Variants in AVEN observed in about 807,000 individuals in gnomAD.
AVEN encodes the protein cell death regulator Aven.
In AVEN, 41 loss-of-function variants were observed where a neutral mutation model predicts 38.1. The ratio of observed to expected loss-of-function variants is 1.08; its 90% CI spans 0.84 to 1.40. The LOEUF (loss-of-function observed/expected upper bound fraction) is 1.40. Among genes scored for constraint, AVEN ranks in the 40% most tolerant of loss-of-function variants. The pLI, the probability that AVEN is intolerant of heterozygous loss-of-function variation, is 0.00. For missense variants in AVEN, 605 were observed against 438.8 expected (o/e 1.38, Z -3.38); for synonymous variants, 206 against 171.8 (o/e 1.20, Z -1.56).
chr15:34,001,302 G>C (rs960147347), intron 2 of AVEN, among the ~76,000 whole-genome samples: 4 of 152,160 alleles, frequency 2.6e-5, no homozygotes, highest in Non-Finnish European at 4.4e-5. Context: ...GATTACAGGC[G>C]TGAGCCACCA....
chr15:34,062,059 C>G (rs1364372610), intron 5 of AVEN, among the ~76,000 whole-genome samples: 1 of 151,818 alleles, frequency 6.6e-6, no homozygotes, highest in Non-Finnish European at 1.5e-5. Flanking sequence ...CATTTTTTTT[C>G]CTTTCCCTTC....
chr15:33,854,559 C>G (rs1481884269), downstream of AVEN: 2 of 1,082,978 alleles, frequency 1.8e-6, no homozygotes, highest in African/African-American at 3.2e-5. Context: ...TTATCAAAGA[C>G]CAAGAGCCTT....
downstream of AVEN, chr15:33,865,185 G>A (rs747588756): frequency 7.4e-6 from 12 of 1,613,786 alleles, no homozygotes; most frequent in South Asian, 4.4e-5. Context: ...CTTCCCAGCC[G>A]GTGACTGCTT....
intron 1 of AVEN, among the ~76,000 whole-genome samples, chr15:34,014,380 A>C (rs1423476647): frequency 8.4e-6 from 1 of 118,768 alleles, no homozygotes; most frequent in Non-Finnish European, 1.8e-5. Flanking sequence ...AAAAAAAAAA[A>C]AAAACAAAAA....
chr15:33,876,071 G>A (rs1156334257), intron 2 of AVEN, 76 bp from the exon 3 acceptor site: 2 of 1,381,784 alleles, frequency 1.4e-6, no homozygotes, highest in East Asian at 2.4e-5. Context: ...CCCTGCTAGA[G>A]CAAAAGTGCC....
chr15:33,876,038 G>A, intron 2 of AVEN, 43 bp from the exon 3 acceptor site: 1 of 1,555,076 alleles, frequency 6.4e-7, no homozygotes, highest in Non-Finnish European at 8.8e-7. Context: ...AAAGCCAACG[G>A]AAACTCTCAG....
intron 2 of AVEN, among the ~76,000 whole-genome samples, chr15:33,923,949 C>T (rs1893510201): frequency 7.4e-6 from 1 of 134,582 alleles, no homozygotes; most frequent in South Asian, 2.4e-4. Context: ...GGAAAACAAG[C>T]TCAGGGCTCC....
intron 2 of AVEN, among the ~76,000 whole-genome samples, chr15:34,000,892 A>G (rs1464508179): frequency 3.3e-5 from 5 of 152,222 alleles, no homozygotes; most frequent in Non-Finnish European, 5.9e-5. Context: ...GAAATCAGTA[A>G]GCAAAGAGAC....
intron 4 of AVEN, among the ~76,000 whole-genome samples, chr15:33,868,621 TA>T (rs1487686302): frequency 6.8e-6 from 1 of 147,944 alleles, no homozygotes; most frequent in Non-Finnish European, 1.5e-5. Context: ...TTAAGTGCAC[TA>T]ATATAAAGGT....
intron 1 of AVEN, among the ~76,000 whole-genome samples, chr15:34,025,149 G>A (rs1015841440): frequency 2.0e-5 from 3 of 152,128 alleles, no homozygotes; most frequent in African/African-American, 4.8e-5. Flanking sequence ...CACCCTGGGC[G>A]ATGGAGTGAG....
At chr15:34,054,894 C>T (rs746388850) in intron 5 of AVEN, among the ~76,000 whole-genome samples, 11 of 151,772 alleles carry the variant, frequency 7.2e-5, no homozygotes, top group Admixed American at 1.3e-4. Context: ...AATTTTAAAA[C>T]ATCTTAAAAG....
chr15:33,988,485 A>C (rs1896577134), intron 2 of AVEN, among the ~76,000 whole-genome samples: 2 of 152,212 alleles, frequency 1.3e-5, no homozygotes, highest in Admixed American at 6.5e-5. Context: ...GAAATAGAGA[A>C]TGTGCCCGTG....
At chr15:33,899,212 T>C (rs1405342202) in intron 2 of AVEN, among the ~76,000 whole-genome samples, 1 of 151,800 alleles carries the variant, frequency 6.6e-6, no homozygotes, top group African/African-American at 2.4e-5. Context: ...TCATACACTG[T>C]TGACAGGACA....
chr15:34,004,332 C>G (rs1897250165), intron 1 of AVEN, among the ~76,000 whole-genome samples: 1 of 151,966 alleles, frequency 6.6e-6, no homozygotes, highest in Non-Finnish European at 1.5e-5. Context: ...GTGAACAATT[C>G]TAGAAGATAA....
downstream of AVEN, among the ~76,000 whole-genome samples, chr15:33,857,087 T>C (rs1282817603): frequency 6.6e-6 from 1 of 152,206 alleles, no homozygotes; most frequent in Non-Finnish European, 1.5e-5. Flanking sequence ...ATTCAATACT[T>C]AAGTTCCTTT....
chr15:33,914,938 A>G (rs1472845576), intron 2 of AVEN, among the ~76,000 whole-genome samples: 1 of 152,168 alleles, frequency 6.6e-6, no homozygotes, highest in Non-Finnish European at 1.5e-5. Flanking sequence ...CATTTGCACT[A>G]AAAGGAACCA....
chr15:34,035,723 C>G (rs372530763), intron 1 of AVEN, among the ~76,000 whole-genome samples: 5 of 152,286 alleles, frequency 3.3e-5, no homozygotes, highest in African/African-American at 1.2e-4. Flanking sequence ...CTGCTAACAG[C>G]CCATCACAAA....
intron 2 of AVEN, among the ~76,000 whole-genome samples, chr15:33,919,822 C>A (rs999273993): frequency 6.6e-6 from 1 of 152,176 alleles, no homozygotes; most frequent in Non-Finnish European, 1.5e-5. Context: ...AAAATTTGAA[C>A]CAACCATTAA....
At chr15:34,032,023 GCACACACA>G (rs10643932) in intron 1 of AVEN, among the ~76,000 whole-genome samples, 1 of 148,944 alleles carries the variant, frequency 6.7e-6, no homozygotes, top group Non-Finnish European at 1.5e-5. Flanking sequence ...GCGCGCACAC[GCACACACA>G]CACACACACA....
Sources: allele counts gnomAD v4.1 joint callset (sites outside exome capture counted in the v4.1 genomes callset), GRCh38; gene constraint gnomAD v4.1.1; transcripts MANE v1.5; gene names NCBI Gene and HGNC (gene_info 2026-07-23, HGNC 2026-07-21).